SETBP1: variants seen among roughly 807,000 people sequenced by gnomAD.
SETBP1 encodes the protein SET binding protein 1, also known as SET-binding protein.
In SETBP1, 9 loss-of-function variants were observed where a neutral mutation model predicts 101.0. The ratio of observed to expected loss-of-function variants is 0.09; its 90% CI spans 0.05 to 0.16. The LOEUF (loss-of-function observed/expected upper bound fraction) is 0.16. SETBP1 is among the 10% of genes least tolerant of loss of function. The pLI, the probability that SETBP1 is intolerant of heterozygous loss-of-function variation, is 1.00. For synonymous variants in SETBP1, 818 were observed against 788.5 expected, an observed-to-expected ratio of 1.04 and a Z score of -0.63; for missense variants, 1,858 against 2,033.8, an observed-to-expected ratio of 0.91 and a Z score of 1.66.
At chr18:44,723,223 C>T (rs539069207) in intron 2 of SETBP1, among the ~76,000 whole-genome samples, 4 of 152,332 alleles carry the variant, frequency 2.6e-5, no homozygotes. Flanking sequence ...CTTCCTCTCA[C>T]TTCCTTTTAT....
At chr18:44,958,850 A>AT (rs966572234) in intron 4 of SETBP1, among the ~76,000 whole-genome samples, 37 of 150,922 alleles carry the variant, frequency 2.5e-4, no homozygotes, top group African/African-American at 7.8e-4. Context: ...GATGGAAGTC[A>AT]TTTTTTTTTC....
intron 3 of SETBP1, among the ~76,000 whole-genome samples, chr18:44,941,860 C>T (rs1271767214): frequency 6.6e-6 from 1 of 151,792 alleles, no homozygotes; most frequent in African/African-American, 2.4e-5. Flanking sequence ...CCCATATGTT[C>T]ATCAATTATG....
chr18:44,876,705 C>CTCGT (rs3085861), intron 3 of SETBP1: 2 of 1,549,138 alleles, frequency 1.3e-6, no homozygotes, highest in African/African-American at 2.7e-5. Context: ...CCGGTTCTCT[C>CTCGT]ACTCTTCCTT....
intron 2 of SETBP1, among the ~76,000 whole-genome samples, chr18:44,774,122 ATTTG>A (rs1271686520): frequency 6.6e-6 from 1 of 152,122 alleles, no homozygotes; most frequent in Admixed American, 6.5e-5. Flanking sequence ...CCTCCTAGAA[ATTTG>A]TTTGGTTTAC....
chr18:44,712,259 TG>T (rs1302270165), intron 2 of SETBP1, among the ~76,000 whole-genome samples: 1 of 151,682 alleles, frequency 6.6e-6, no homozygotes, highest in Non-Finnish European at 1.5e-5. Context: ...AGGTTGGGGG[TG>T]GGTAGGAAAT....
At chr18:44,796,433 G>A (rs1352663600) in intron 2 of SETBP1, among the ~76,000 whole-genome samples, 1 of 152,184 alleles carries the variant, frequency 6.6e-6, no homozygotes, top group Admixed American at 6.5e-5. Context: ...CTGAATGCAC[G>A]TAAGAATGAC....
chr18:44,791,692 A>G (rs965827412), intron 2 of SETBP1, among the ~76,000 whole-genome samples: 2 of 152,010 alleles, frequency 1.3e-5, no homozygotes, highest in Non-Finnish European at 2.9e-5. Flanking sequence ...TAAGGTTGAA[A>G]CCAAAAGGCT....
chr18:44,779,323 C>A (rs1298502022), intron 2 of SETBP1, among the ~76,000 whole-genome samples: 1 of 152,184 alleles, frequency 6.6e-6, no homozygotes, highest in African/African-American at 2.4e-5. Context: ...ATGCATTGAG[C>A]CTTCACAAAA....
chr18:44,858,089 G>A lies in SETBP1; in HGVS notation c.487-11141G>A, dbSNP rs866767772. 1.8e-4 allele frequency among the ~76,000 whole-genome samples: 27 copies of A among 152,282 alleles called. 1 individual carries two copies. The highest frequency in any genetic ancestry group is 1.2e-3 in the Admixed American group (18 of 15,306). On this transcript the variant is annotated intron_variant, in intron 2 of 5. Coordinates refer to ENST00000649279, the MANE Select transcript of SETBP1 (RefSeq NM_015559.3). ...AAGAGGGAGATTTTTAACAAAGGAC[G>A]AGGAAGTATACATGCCAAGGAGCCA...
At chr18:44,771,323 C>G (rs1015742080) in intron 2 of SETBP1, among the ~76,000 whole-genome samples, 2 of 146,670 alleles carry the variant, frequency 1.4e-5, no homozygotes, top group Non-Finnish European at 1.5e-5. Flanking sequence ...TTTCGTCTAC[C>G]TGGTCTAGAT....
intron 5 of SETBP1, among the ~76,000 whole-genome samples, chr18:45,045,373 G>C (rs369071405): frequency 6.6e-6 from 1 of 152,188 alleles, no homozygotes; most frequent in Admixed American, 6.5e-5. Context: ...GGAGGTTGTA[G>C]TGAGCCGAAA....
chr18:44,932,912 G>T (rs2070870321), intron 3 of SETBP1, among the ~76,000 whole-genome samples: 1 of 152,166 alleles, frequency 6.6e-6, no homozygotes, highest in African/African-American at 2.4e-5. Context: ...GCTCAGAGAA[G>T]TTTGTTATTA....
At chr18:45,060,018 A>G (rs868289911) in intron 5 of SETBP1, among the ~76,000 whole-genome samples, 1 of 152,358 alleles carries the variant, frequency 6.6e-6, no homozygotes, top group Middle Eastern at 3.4e-3. Flanking sequence ...TGTAAGTAGT[A>G]TACTTAAACA....
intron 2 of SETBP1, among the ~76,000 whole-genome samples, chr18:44,714,542 T>C (rs892943214): frequency 6.6e-6 from 1 of 151,970 alleles, no homozygotes; most frequent in Non-Finnish European, 1.5e-5. Context: ...AGCTCCTGCT[T>C]AGTCAGCTCT....
At chr18:44,882,352 G>C (rs779807751) in intron 3 of SETBP1, among the ~76,000 whole-genome samples, 3 of 151,966 alleles carry the variant, frequency 2.0e-5, no homozygotes, top group Non-Finnish European at 2.9e-5. Flanking sequence ...CAGCTCAAGT[G>C]GAAGTTATAT....
At chr18:44,963,532 T>A (rs978229626) in intron 4 of SETBP1, among the ~76,000 whole-genome samples, 8 of 152,198 alleles carry the variant, frequency 5.3e-5, no homozygotes, top group African/African-American at 1.7e-4. Flanking sequence ...TTGTTTTTTT[T>A]AATTACAATT....
At chr18:44,700,086 G>A (rs1280646349) in intron 1 of SETBP1, among the ~76,000 whole-genome samples, 1 of 152,150 alleles carries the variant, frequency 6.6e-6, no homozygotes, top group East Asian at 1.9e-4. Context: ...AGGATGTGAT[G>A]TTTGCAGCCC....
chr18:44,916,534 G>A (rs537805952), intron 3 of SETBP1, among the ~76,000 whole-genome samples: 1 of 151,788 alleles, frequency 6.6e-6, no homozygotes, highest in African/African-American at 2.4e-5. Flanking sequence ...TGTAAATATT[G>A]CTACAGCCCA....
chr18:44,955,031 C>A (rs1052776663), intron 4 of SETBP1, among the ~76,000 whole-genome samples: 1 of 152,134 alleles, frequency 6.6e-6, no homozygotes, highest in Non-Finnish European at 1.5e-5. Context: ...ACGCAAAAAT[C>A]CTAACTTAAC....
Sources: allele counts gnomAD v4.1 joint callset (sites outside exome capture counted in the v4.1 genomes callset), GRCh38; gene constraint gnomAD v4.1.1; transcripts MANE v1.5; gene names NCBI Gene and HGNC (gene_info 2026-07-23, HGNC 2026-07-21).